The following ACTN4 variants were observed in gnomAD, a reference collection of about 807,000 sequenced individuals.
ACTN4 encodes alpha-actinin-4.
In ACTN4, 18 loss-of-function variants were observed where a neutral mutation model predicts 114.2. The ratio of observed to expected loss-of-function variants is 0.16; its 90% CI spans 0.11 to 0.23. ACTN4 has a LOEUF of 0.23. Among genes scored for constraint, ACTN4 ranks in the 10% least tolerant of loss-of-function variants. The pLI is 1.00. For synonymous variants in ACTN4, 515 were observed against 506.3 expected, an observed-to-expected ratio of 1.02 and a Z score of -0.23; for missense variants, 722 against 1,262.9, an observed-to-expected ratio of 0.57 and a Z score of 6.49.
intron 1 of ACTN4, among the ~76,000 whole-genome samples, chr19:38,676,956 C>T (rs1014253832): frequency 6.6e-6 from 1 of 152,218 alleles, no homozygotes; most frequent in African/African-American, 2.4e-5. Flanking sequence ...ATCAAACCTG[C>T]AAGTCCCCAA....
chr19:38,656,558 A>G (rs565456667), intron 1 of ACTN4, among the ~76,000 whole-genome samples: 2 of 152,302 alleles, frequency 1.3e-5, no homozygotes, highest in South Asian at 4.1e-4. Flanking sequence ...AGCAGAACAG[A>G]TTCTTTGTCT....
intron 1 of ACTN4, among the ~76,000 whole-genome samples, chr19:38,673,784 AT>A (rs58144950): frequency 0.039 from 2,673 of 67,726 alleles, 74 homozygotes; most frequent in African/African-American, 0.082. Context: ...TATATGTATA[AT>A]TTTTTTTTTT....
intron 1 of ACTN4, among the ~76,000 whole-genome samples, chr19:38,679,218 T>C (rs906487765): frequency 2.6e-5 from 4 of 152,198 alleles, no homozygotes; most frequent in Non-Finnish European, 5.9e-5. Flanking sequence ...TCCCGAATAC[T>C]TCTCAGCCCC....
Position 38,729,705 on chromosome 19 carries a change from G to GCACAACCGGT in ACTN4, c.*273_*274insCACAACCGGT. On this transcript the variant is annotated 3_prime_UTR_variant, in exon 21 of 21. Coordinates refer to ENST00000252699, the MANE Select transcript of ACTN4 (RefSeq NM_004924.6). ...TGTTGTGCTTTTTTAACCAAGGAGG[G>GCACAACCGGT]GCCAGTGGATTCCCACAGCACAACC... is the stretch of plus-strand genomic sequence containing the variant. The GCACAACCGGT allele has an allele frequency of 6.2e-6, 4 of 640,336 alleles. No individual in the cohort carries two copies. The highest frequency in any genetic ancestry group is 1.2e-5 in the Non-Finnish European group (4 of 347,550). The allele number at this position is 640,336 out of a possible 1,614,324, so 39.7% of individuals were successfully genotyped here.
chr19:38,694,879 C>T (rs929948887), intron 1 of ACTN4, among the ~76,000 whole-genome samples: 1 of 151,840 alleles, frequency 6.6e-6, no homozygotes, highest in African/African-American at 2.4e-5. Flanking sequence ...TGTAATTTTG[C>T]GGGGGGGCGG....
chr19:38,666,842 C>G (rs551962211), intron 1 of ACTN4, among the ~76,000 whole-genome samples: 1 of 152,234 alleles, frequency 6.6e-6, no homozygotes, highest in South Asian at 2.1e-4. Context: ...ACAAGCCCCT[C>G]GGTGCTGGGG....
rs1216724216 is a variant in ACTN4, at chr19:38,729,977, CT to C, written c.*549del. 3.1e-6 allele frequency: 1 copy of C among 320,486 alleles called. No individual in the cohort carries two copies. The highest frequency in any genetic ancestry group is 4.7e-5 in the Admixed American group (1 of 21,424). 19.9% of individuals were successfully genotyped at this position (320,486 alleles called of 1,614,324 possible). On this transcript the variant is annotated 3_prime_UTR_variant, in exon 21 of 21. Coordinates refer to ENST00000252699, the MANE Select transcript of ACTN4 (RefSeq NM_004924.6). The stretch of plus-strand genomic sequence containing the variant: ...GGAGATGGCCCCAACAAGCACCCCG[CT>C]TTTGCAGCAGAGGAGCTGAGTTGGC...
intron 6 of ACTN4, among the ~76,000 whole-genome samples, chr19:38,708,422 C>T (rs537055089): frequency 6.6e-6 from 1 of 152,306 alleles, no homozygotes; most frequent in Admixed American, 6.5e-5. Context: ...CCCTCCATGG[C>T]ACTGCAACCA....
intron 7 of ACTN4, 110 bp from the exon 8 acceptor site, chr19:38,710,147 C>T: frequency 9.0e-7 from 1 of 1,116,240 alleles, no homozygotes; most frequent in Admixed American, 1.7e-5. Context: ...CGTCACTCTG[C>T]AGGTCCCTCT....
intron 1 of ACTN4, among the ~76,000 whole-genome samples, chr19:38,699,690 G>C (rs562723858): frequency 1.3e-5 from 2 of 151,870 alleles, no homozygotes; most frequent in Middle Eastern, 3.4e-3. Context: ...AGGAGGTAGA[G>C]ATTGCAGTGA....
At chr19:38,691,272 A>G (rs4347742) in intron 1 of ACTN4, among the ~76,000 whole-genome samples, 103,315 of 151,714 alleles carry the variant, frequency 0.68, 36,016 homozygotes, top group South Asian at 0.84. Flanking sequence ...AAAATTAGCC[A>G]GGCCTGTAAT....
At chr19:38,706,377 C>A (rs374345491) in intron 5 of ACTN4, among the ~76,000 whole-genome samples, 1 of 152,186 alleles carries the variant, frequency 6.6e-6, no homozygotes, top group Non-Finnish European at 1.5e-5. Context: ...CCTAATAGAA[C>A]GTTCTTCGTC....
chr19:38,725,309 C>T (rs953853479), intron 16 of ACTN4, among the ~76,000 whole-genome samples: 6 of 152,086 alleles, frequency 3.9e-5, no homozygotes, highest in African/African-American at 1.2e-4. Flanking sequence ...TTGTGGGTGC[C>T]GAGACATGGA....
In ACTN4 at chr19:38,731,124, TGGGCCACAC is replaced by T; in HGVS notation, c.*1693_*1701del. 6.2e-7 allele frequency: 1 copy of T among 1,611,362 alleles called. No individual in the cohort carries two copies. The highest frequency in any genetic ancestry group is 1.7e-5 in the Admixed American group (1 of 59,846). On this transcript the variant is annotated 3_prime_UTR_variant, in exon 21 of 21. Coordinates refer to ENST00000252699, the MANE Select transcript of ACTN4 (RefSeq NM_004924.6). ...GTACTCACAGAAGATGCAGGTGAGG[TGGGCCACAC>T]AGGACACGAACCGCTCGAAGTCCAC...
chr19:38,677,585 G>A (rs1203951476), intron 1 of ACTN4, among the ~76,000 whole-genome samples: 1 of 82,632 alleles, frequency 1.2e-5, no homozygotes. Flanking sequence ...ACTCACCCCT[G>A]CCAGGCTCAT....
Position 38,728,040 on chromosome 19 carries a change from G to T in ACTN4, c.2418+14G>T. The T allele has an allele frequency of 6.2e-7, 1 of 1,601,502 alleles. No individual in the cohort carries two copies. Among genetic ancestry groups the T allele is most frequent in the East Asian group, 2.3e-5 (1 of 44,080 alleles). ...AACGACCGGCAGGTACTGCACCCTG[G>T]GCCCCAGCGGACCATGGCATTAACT... is the stretch of plus-strand genomic sequence containing the variant. On this transcript the variant is annotated intron_variant, in intron 19 of 20. Coordinates refer to ENST00000252699, the MANE Select transcript of ACTN4 (RefSeq NM_004924.6).
Position 38,724,143 on chromosome 19 carries a change from A to C in ACTN4, c.1693-14A>C, listed in dbSNP as rs1388340979. ...TGGGGCTGGGCCGCCCCCTCACTCC[A>C]GCTCCTCCCCTAGGGCCTGATCTCA... On this transcript the variant is annotated splice_polypyrimidine_tract_variant and intron_variant, in intron 14 of 20. Transcript: ENST00000252699. The surrounding 1 kb of genome is among the most constrained non-coding windows in gnomAD (Gnocchi z 7.0). The C allele has an allele frequency of 6.2e-7, 1 of 1,613,388 alleles. No individual in the cohort carries two copies.
Position 38,729,440 on chromosome 19 carries a change from G to T in ACTN4, c.*8G>T. 1 of 1,612,258 alleles carries T rather than the reference G, an allele frequency of 6.2e-7. No individual in the cohort carries two copies. The highest frequency in any genetic ancestry group is 1.1e-5 in the South Asian group (1 of 91,066). Reference sequence around the variant, plus strand: ...GGCGAGAGCGACCTGTGAGGCCCCAGAGACCTGACCCAACACCCCCGACGG... The same window carrying T: ...GGCGAGAGCGACCTGTGAGGCCCCATAGACCTGACCCAACACCCCCGACGG... On this transcript the variant is annotated 3_prime_UTR_variant, in exon 21 of 21. Transcript: ENST00000252699.
Position 38,647,760 on chromosome 19 carries a change from C to T in ACTN4, c.15C>T (p.His5=). 1.3e-6 allele frequency: 2 copies of T among 1,550,430 alleles called. No individual in the cohort carries two copies. The highest frequency in any genetic ancestry group is 1.7e-6 in the Non-Finnish European group (2 of 1,150,116). The change falls in exon 1 of 21, where the codon CAC becomes CAT. Residue 5 remains histidine (H), a synonymous_variant. Coordinates refer to ENST00000252699, the MANE Select transcript of ACTN4 (RefSeq NM_004924.6). The part of the protein sequence containing the change: MVDY[H]AANQSYQYGP... ...GAGGCGGCGGAATGGTGGACTACCA[C>T]GCGGCGAACCAGTCGTACCAGTACG...
Sources: gnomAD v4.1 joint callset for allele counts (sites outside exome capture counted in the v4.1 genomes callset) on GRCh38, gnomAD v4.1.1 for gene constraint, Gnocchi (gnomAD v3.1) non-coding constraint, MANE v1.5 for transcripts, NCBI Gene and HGNC (gene_info 2026-07-23, HGNC 2026-07-21) for gene names.